Variants in PRDM5 observed in about 807,000 individuals in gnomAD.
PRDM5 encodes the protein PR/SET domain 5.
A neutral mutation model predicts 81.2 loss-of-function variants in PRDM5; 56 were observed. The observed-to-expected ratio is 0.69, with a 90% CI of 0.56 to 0.86. The LOEUF (loss-of-function observed/expected upper bound fraction) is 0.86. Ranked by LOEUF, PRDM5 falls within the 40% of genes least tolerant of loss-of-function variation. The pLI, the probability that PRDM5 is intolerant of heterozygous loss-of-function variation, is 0.00. For missense variants in PRDM5, 697 were observed against 770.1 expected (o/e 0.91, Z 1.12); for synonymous variants, 267 against 256.4 (o/e 1.04, Z -0.39).
intron 3 of PRDM5, among the ~76,000 whole-genome samples, chr4:120,849,917 T>C (rs998980115): frequency 1.3e-5 from 2 of 152,248 alleles, no homozygotes; most frequent in Admixed American, 1.3e-4. Context: ...TTTTCAGAAG[T>C]CTGAACATAC....
chr4:120,767,603 A>T (rs917117828), intron 13 of PRDM5, among the ~76,000 whole-genome samples: 1 of 152,236 alleles, frequency 6.6e-6, no homozygotes, highest in African/African-American at 2.4e-5. Context: ...ACTGCCAATT[A>T]GTAACCATTT....
At chr4:120,906,663 C>T (rs1263256258) in intron 2 of PRDM5, among the ~76,000 whole-genome samples, 1 of 152,136 alleles carries the variant, frequency 6.6e-6, no homozygotes, top group East Asian at 1.9e-4. Flanking sequence ...CAGACATATA[C>T]TGGCATATAC....
chr4:120,712,154 C>T (rs139525621), intron 14 of PRDM5, among the ~76,000 whole-genome samples: 4,330 of 151,940 alleles, frequency 0.028, 215 homozygotes, highest in African/African-American at 0.099. Flanking sequence ...GGCATGGTGG[C>T]GGGCACCTGT....
chr4:120,688,783 T>A (rs915702980), downstream of PRDM5, among the ~76,000 whole-genome samples: 1 of 152,156 alleles, frequency 6.6e-6, no homozygotes, highest in African/African-American at 2.4e-5. Context: ...GCTGTATACA[T>A]GAAGGTTTAC....
rs1451835599 is a variant in PRDM5 at position 120,751,446 on chromosome 4, CAT to C, written c.1623+3105_1623+3106del. Among the ~76,000 whole-genome samples the C allele has an allele frequency of 4.0e-5, 6 of 150,520 alleles. No homozygotes were observed. The East Asian group carries it at 7.9e-4, about 20-fold the overall frequency. On this transcript the variant is annotated intron_variant, in intron 14 of 15. Transcript: ENST00000264808. ...TCTGGAACAGTATCAAATAGTCTAA[CAT>C]GTGTAACTGGTGTCCCATAAGAAGA...
chr4:120,764,793 A>G (rs968981372), intron 13 of PRDM5, among the ~76,000 whole-genome samples: 2 of 152,202 alleles, frequency 1.3e-5, no homozygotes, highest in African/African-American at 4.8e-5. Context: ...TGTCAATTCT[A>G]CTCAACGTTT....
At chr4:120,775,620 T>C (rs1456252336) in intron 13 of PRDM5, among the ~76,000 whole-genome samples, 1 of 152,190 alleles carries the variant, frequency 6.6e-6, no homozygotes, top group Admixed American at 6.6e-5. Flanking sequence ...ATAAACTGAC[T>C]ATTCTGATAT....
chr4:120,886,015 T>C (rs1343635108), intron 2 of PRDM5, among the ~76,000 whole-genome samples: 1 of 152,178 alleles, frequency 6.6e-6, no homozygotes, highest in Non-Finnish European at 1.5e-5. Flanking sequence ...GAATGGCAGA[T>C]AAAGGACAAC....
intron 14 of PRDM5, among the ~76,000 whole-genome samples, chr4:120,739,915 A>G (rs1741670638): frequency 6.6e-6 from 1 of 152,190 alleles, no homozygotes. Context: ...TGACCATCAG[A>G]AAGAATTTTC....
At chr4:120,709,760 G>T (rs1242898870) in intron 15 of PRDM5, among the ~76,000 whole-genome samples, 1 of 152,128 alleles carries the variant, frequency 6.6e-6, no homozygotes, top group Non-Finnish European at 1.5e-5. Flanking sequence ...GTCAACAGTA[G>T]TATTTTTTTC....
chr4:120,701,468 G>T (rs1002923483), intron 15 of PRDM5, among the ~76,000 whole-genome samples: 4 of 152,136 alleles, frequency 2.6e-5, no homozygotes, highest in African/African-American at 9.7e-5. Flanking sequence ...AGAAAATGTG[G>T]TGCATATACA....
intron 3 of PRDM5, among the ~76,000 whole-genome samples, chr4:120,821,947 GA>G (rs1245354169): frequency 0.032 from 2,990 of 92,348 alleles, 94 homozygotes; most frequent in African/African-American, 0.096. Context: ...ACGAGAAAAA[GA>G]AAAAAAAAAA....
intron 13 of PRDM5, among the ~76,000 whole-genome samples, chr4:120,773,081 C>T (rs778302607): frequency 6.6e-6 from 1 of 152,090 alleles, no homozygotes; most frequent in Non-Finnish European, 1.5e-5. Flanking sequence ...AAGCTGAAAG[C>T]ACTTGTAACG....
chr4:120,792,937 T>C (rs972863571), intron 10 of PRDM5, among the ~76,000 whole-genome samples: 1 of 151,812 alleles, frequency 6.6e-6, no homozygotes, highest in East Asian at 1.9e-4. Flanking sequence ...AAGGGAGGAA[T>C]GGGAAGATGT....
chr4:120,798,298 G>A lies in PRDM5; in HGVS notation c.1157C>T (p.Ala386Val). ...ATGATTCTTGTAAACATTTCTGTGG[G>A]CAAATCCCTTTCCACAAAGTTTGCA... ...YKCKLCGKGFAHRNVYKNHKK... is the reference protein window; with the variant it reads ...YKCKLCGKGFVHRNVYKNHKK... Residue 386 changes from alanine (A) to valine (V), a missense_variant, in exon 10 of 16, where the codon GCC (alanine) becomes GTC (valine). Around this residue, in one of 3 missense-constraint regions of PRDM5, gnomAD observed 577 missense variants for 606.7 expected, o/e 0.95. Coordinates refer to ENST00000264808, the MANE Select transcript of PRDM5 (RefSeq NM_018699.4). 6.2e-7 allele frequency: 1 copy of A among 1,608,598 alleles called. No homozygotes were observed. The highest frequency in any genetic ancestry group is 8.5e-7 in the Non-Finnish European group (1 of 1,177,380).
At chr4:120,871,271 A>G (rs949099866) in intron 2 of PRDM5, among the ~76,000 whole-genome samples, 33 of 152,178 alleles carry the variant, frequency 2.2e-4, no homozygotes, top group African/African-American at 7.5e-4. Flanking sequence ...ACCACTTTAA[A>G]TCATATGAAG....
chr4:120,756,137 C>T lies in PRDM5; in HGVS notation c.1538-1499G>A, dbSNP rs78726681. Among the ~76,000 whole-genome samples the T allele has an allele frequency of 2.6e-3, 389 of 152,242 alleles. 1 individual carries two copies. The highest frequency in any genetic ancestry group is 9.0e-3 in the African/African-American group (373 of 41,534). On this transcript the variant is annotated intron_variant, in intron 13 of 15. Transcript: ENST00000264808. ...CCAAGTCAGTAGGACAAAGGCTTGG[C>T]AACATCTAGGAAAAGATCATCTTAT...
chr4:120,706,167 C>CTGAAACCT (rs1736100083), intron 15 of PRDM5, among the ~76,000 whole-genome samples: 1 of 149,310 alleles, frequency 6.7e-6, no homozygotes, highest in African/African-American at 2.5e-5. Context: ...TCTTGGCTCA[C>CTGAAACCT]TGAAACCTTA....
At chr4:120,710,162 A>C (rs1328960167) in intron 15 of PRDM5, 147 bp downstream of exon 15, 3 of 706,496 alleles carry the variant, frequency 4.2e-6, no homozygotes, top group Non-Finnish European at 7.6e-6. Context: ...ACAAGCTATA[A>C]ATAGCATAAG....
Sources: gnomAD v4.1 joint callset for allele counts (sites outside exome capture counted in the v4.1 genomes callset) on GRCh38, gnomAD v4.1.1 for gene constraint, gnomAD v4.1.1 regional missense constraint, MANE v1.5 for transcripts, NCBI Gene and HGNC (gene_info 2026-07-23, HGNC 2026-07-21) for gene names.